Variants in CNR2 observed in about 807,000 individuals in gnomAD.
The protein encoded by CNR2 is cannabinoid receptor 2 (macrophage).
For synonymous variants in CNR2, 172 were observed against 182.2 expected (o/e 0.94, Z 0.45); for missense variants, 379 against 439.9 (o/e 0.86, Z 1.24).
Position 23,871,386 on chromosome 1 carries a change from A to G in CNR2, c.*3149T>C, listed in dbSNP as rs1233622569. Reference sequence around the variant, plus strand: ...AGGCATGCTTCAACTTTAAGGAATGACAGTATATAAACATGCAAATTCACT... The same window carrying G: ...AGGCATGCTTCAACTTTAAGGAATGGCAGTATATAAACATGCAAATTCACT... On this transcript the variant is annotated 3_prime_UTR_variant, in exon 2 of 2. Transcript: ENST00000374472. 6.6e-6 allele frequency: 1 copy of G among 152,226 alleles called. No individual in the cohort carries two copies. Among genetic ancestry groups the G allele is most frequent in the Non-Finnish European group, 1.5e-5 (1 of 68,034 alleles). The allele number at this position is 152,226 out of a possible 1,614,324, so 9.4% of individuals were successfully genotyped here.
At chr1:23,890,287 AAAG>A (rs968128528) in intron 1 of CNR2, among the ~76,000 whole-genome samples, 13 of 151,554 alleles carry the variant, frequency 8.6e-5, no homozygotes, top group East Asian at 1.9e-4. Flanking sequence ...AAAGAAAAGA[AAAG>A]AAGAAGAAGA....
At chr1:23,896,733 A>G (rs1640291349) in intron 1 of CNR2, among the ~76,000 whole-genome samples, 1 of 152,146 alleles carries the variant, frequency 6.6e-6, no homozygotes. Flanking sequence ...AGATTGTGCC[A>G]GGGAGCACCT....
At chr1:23,879,824 A>G (rs540870293) in intron 1 of CNR2, among the ~76,000 whole-genome samples, 5 of 152,174 alleles carry the variant, frequency 3.3e-5, no homozygotes, top group South Asian at 2.1e-4. Context: ...CCCATTTCTA[A>G]TCTAGTTTCA....
intron 1 of CNR2, chr1:23,902,441 C>G (rs1640416094): frequency 1.3e-6 from 2 of 1,592,366 alleles, no homozygotes; most frequent in South Asian, 2.2e-5. Context: ...GGACGATGTA[C>G]TTCTTAGCAG....
Position 23,878,719 on chromosome 1 carries a change from A to G in CNR2, c.-45-3057T>C, listed in dbSNP as rs539100268. Among the ~76,000 whole-genome samples the G allele has an allele frequency of 1.1e-4, 17 of 152,350 alleles. No homozygotes were observed. The East Asian group carries it at 3.3e-3, about 29-fold the overall frequency. ...AAAAACACATTCCATGTTCATGTAT[A>G]TCATATAGCATACATATCAGAATAC... On this transcript the variant is annotated intron_variant, in intron 1 of 1. Coordinates refer to ENST00000374472, the MANE Select transcript of CNR2 (RefSeq NM_001841.3).
At chr1:23,898,402 T>C (rs1429501837) in intron 1 of CNR2, among the ~76,000 whole-genome samples, 9 of 130,816 alleles carry the variant, frequency 6.9e-5, no homozygotes, top group South Asian at 2.6e-4. Flanking sequence ...AGTGCAGTGG[T>C]ATGATCTCAG....
chr1:23,875,591 T>C lies in CNR2; in HGVS notation c.27A>G (p.Ile9Met), dbSNP rs746669490. 6.2e-7 allele frequency: 1 copy of C among 1,608,220 alleles called. No individual in the cohort carries two copies. The highest frequency in any genetic ancestry group is 1.1e-5 in the South Asian group (1 of 90,628). Residue 9 changes from isoleucine to methionine, a missense_variant, in exon 2 of 2, where the codon ATA becomes ATG. By Grantham distance (10) the Ile-to-Met change is conservative. Coordinates refer to ENST00000374472, the MANE Select transcript of CNR2 (RefSeq NM_001841.3). ...CCAAGCCATCCTTGGAGCCATTGGC[T>C]ATCTCTGTCACCCAGCATTCCTCCA... is the stretch of plus-strand genomic sequence containing the variant. MEECWVTE[I>M]ANGSKDGLDS...
intron 1 of CNR2, among the ~76,000 whole-genome samples, chr1:23,900,194 C>G (rs895317449): frequency 1.3e-5 from 2 of 152,000 alleles, no homozygotes; most frequent in Non-Finnish European, 2.9e-5. Flanking sequence ...CGCAAGAGGA[C>G]AGCTTCGACC....
At chr1:23,887,745 T>A (rs1004740973) in intron 1 of CNR2, among the ~76,000 whole-genome samples, 16 of 151,894 alleles carry the variant, frequency 1.1e-4, no homozygotes, top group Non-Finnish European at 1.9e-4. Flanking sequence ...AGAATAATGG[T>A]ATAAGTAATA....
At chr1:23,894,796 A>G (rs1436275581) in intron 1 of CNR2, among the ~76,000 whole-genome samples, 2 of 151,994 alleles carry the variant, frequency 1.3e-5, no homozygotes, top group Admixed American at 1.3e-4. Context: ...AAAGAAAAAG[A>G]AACTTGCTGG....
Position 23,897,172 on chromosome 1 carries a change from G to A in CNR2, c.-46+16074C>T, listed in dbSNP as rs141672635. ...TTACAGGTGTGAGCCACTGCACCCT[G>A]CCAGGAGTGGTTTTTTGATGAGATC... On this transcript the variant is annotated intron_variant, in intron 1 of 1. Transcript: ENST00000374472. 8.1e-3 allele frequency among the ~76,000 whole-genome samples: 1,227 copies of A among 151,716 alleles called. 13 individuals are homozygous for A. Among genetic ancestry groups the A allele is most frequent in the African/African-American group, 0.026 (1,095 of 41,474 alleles).
chr1:23,890,405 A>G (rs1640168824), intron 1 of CNR2, among the ~76,000 whole-genome samples: 1 of 152,114 alleles, frequency 6.6e-6, no homozygotes, highest in Admixed American at 6.6e-5. Flanking sequence ...ACTGAGGACA[A>G]ACCACCACAT....
chr1:23,883,734 A>G (rs1340420608), intron 1 of CNR2, among the ~76,000 whole-genome samples: 1 of 152,130 alleles, frequency 6.6e-6, no homozygotes, highest in African/African-American at 2.4e-5. Context: ...CTGAGGCAGG[A>G]GAATCGCTTG....
rs982364487 is a variant in CNR2, at chr1:23,872,382, G to A, written c.*2153C>T. On this transcript the variant is annotated 3_prime_UTR_variant, in exon 2 of 2. Coordinates refer to ENST00000374472, the MANE Select transcript of CNR2 (RefSeq NM_001841.3). ...TTTCTGTTGATAAGCCACTGGATTTGTGAAATTTATTACAGGAGATTAATA... is the reference window on the plus strand; with the variant it reads ...TTTCTGTTGATAAGCCACTGGATTTATGAAATTTATTACAGGAGATTAATA... The A allele has an allele frequency of 6.6e-6, 1 of 152,030 alleles. No individual in the cohort carries two copies. The highest frequency in any genetic ancestry group is 1.5e-5 in the Non-Finnish European group (1 of 68,026). 9.4% of individuals were successfully genotyped at this position (152,030 alleles called of 1,614,324 possible).
At chr1:23,881,293 A>G (rs977590594) in intron 1 of CNR2, among the ~76,000 whole-genome samples, 3 of 151,486 alleles carry the variant, frequency 2.0e-5, no homozygotes, top group African/African-American at 7.3e-5. Context: ...ATATGTAATA[A>G]TAATAATTTT....
At chr1:23,902,134 G>T (rs1017739927) in intron 1 of CNR2, 46 of 1,417,504 alleles carry the variant, frequency 3.2e-5, no homozygotes, top group African/African-American at 2.6e-4. Context: ...GTTTCGTGGG[G>T]TGACTGGCAG....
At chr1:23,882,651 C>CAA (rs34245051) in intron 1 of CNR2, among the ~76,000 whole-genome samples, 72,763 of 112,658 alleles carry the variant, frequency 0.65, 24,421 homozygotes, top group Non-Finnish European at 0.72. Context: ...ACTAAAAATA[C>CAA]AAAAAAAAAA....
At chr1:23,912,706 A>G (rs2148473666) in intron 1 of CNR2, among the ~76,000 whole-genome samples, 1 of 152,298 alleles carries the variant, frequency 6.6e-6, no homozygotes, top group Non-Finnish European at 1.5e-5. Context: ...TCTGTAATGA[A>G]ATGAAAGCCA....
chr1:23,900,149 G>A (rs1359283775), intron 1 of CNR2, among the ~76,000 whole-genome samples: 2 of 151,686 alleles, frequency 1.3e-5, no homozygotes, highest in Admixed American at 6.6e-5. Context: ...ACTGGCTCAT[G>A]TGATCTTGTG....
Sources: allele counts gnomAD v4.1 joint callset (sites outside exome capture counted in the v4.1 genomes callset), GRCh38; gene constraint gnomAD v4.1.1; transcripts MANE v1.5; gene names NCBI Gene and HGNC (gene_info 2026-07-23, HGNC 2026-07-21).